POC1A: variants seen among roughly 807,000 people sequenced by gnomAD.
POC1A encodes POC1 centriolar protein homolog A.
In POC1A, 34 loss-of-function variants were observed where a neutral mutation model predicts 47.8. The observed-to-expected ratio is 0.71, with a 90% CI of 0.54 to 0.95. The LOEUF (loss-of-function observed/expected upper bound fraction) is 0.95. Among genes scored for constraint, POC1A ranks in the 40% least tolerant of loss-of-function variants. The pLI is 0.00. For synonymous variants in POC1A, 177 were observed against 207.6 expected (o/e 0.85, Z 1.27); for missense variants, 466 against 528.3 (o/e 0.88, Z 1.16).
chr3:52,120,082 T>C (rs941860292), intron 9 of POC1A, among the ~76,000 whole-genome samples: 1 of 152,210 alleles, frequency 6.6e-6, no homozygotes, highest in African/African-American at 2.4e-5. Flanking sequence ...CTTCCCTTCC[T>C]ATCTCAGAAG....
At position 52,085,834 on chromosome 3, in the gene POC1A, A is replaced by G. The variant is rs116470263; in HGVS notation, c.1126-9849T>C. Among the ~76,000 whole-genome samples, 482 of 152,350 alleles carry G rather than the reference A, an allele frequency of 3.2e-3. 4 individuals are homozygous for G. The highest frequency in any genetic ancestry group is 0.011 in the African/African-American group (470 of 41,576). ...TGCAATATTCATATTAATAGCTAAT[A>G]TGCATGTAGAACTTGCTCTGTCTGG... is the stretch of plus-strand genomic sequence containing the variant. On this transcript the variant is annotated intron_variant, in intron 10 of 10. Coordinates refer to ENST00000296484, the MANE Select transcript of POC1A (RefSeq NM_015426.5).
intron 8 of POC1A, among the ~76,000 whole-genome samples, chr3:52,122,960 T>C (rs1490481346): frequency 6.6e-6 from 1 of 152,244 alleles, no homozygotes. Context: ...CTGCGGGCGG[T>C]GGCCTGGCCT....
At chr3:52,091,845 CA>C (rs1451635104) in intron 10 of POC1A, among the ~76,000 whole-genome samples, 1 of 152,190 alleles carries the variant, frequency 6.6e-6, no homozygotes, top group Non-Finnish European at 1.5e-5. Flanking sequence ...AGCCGCACAG[CA>C]GAGCTCAGAG....
rs762193392 is a variant in POC1A at position 52,147,104 on chromosome 3, G to A, written c.456-9C>T. On this transcript the variant is annotated splice_polypyrimidine_tract_variant and intron_variant, in intron 4 of 10. Coordinates refer to ENST00000296484, the MANE Select transcript of POC1A (RefSeq NM_015426.5). ...GCCCGTCGGGGGAGAACCTGAACCGGGTGGGGCACAAGTCACATCACAGAC... is the reference window on the plus strand; with the variant it reads ...GCCCGTCGGGGGAGAACCTGAACCGAGTGGGGCACAAGTCACATCACAGAC... 2.5e-6 allele frequency: 4 copies of A among 1,605,898 alleles called. No homozygotes were observed. In the East Asian group the frequency reaches 8.9e-5, roughly 36 times the overall value.
intron 9 of POC1A, among the ~76,000 whole-genome samples, chr3:52,121,556 T>C (rs945560678): frequency 6.6e-5 from 10 of 152,306 alleles, no homozygotes; most frequent in African/African-American, 2.2e-4. Flanking sequence ...AGCCCCAGGA[T>C]AGACTCAGGA....
intron 9 of POC1A, among the ~76,000 whole-genome samples, chr3:52,117,848 T>C (rs558859633): frequency 1.3e-5 from 2 of 152,324 alleles, no homozygotes; most frequent in Non-Finnish European, 2.9e-5. Context: ...ATTTTTGCTA[T>C]TTAAAAAGTG....
At chr3:52,127,446 A>T (rs1418476378) in intron 7 of POC1A, among the ~76,000 whole-genome samples, 3 of 149,702 alleles carry the variant, frequency 2.0e-5, no homozygotes, top group Non-Finnish European at 4.4e-5. Flanking sequence ...GCTGGAGTGC[A>T]GTGGTGCGAT....
chr3:52,149,686 G>T, intron 3 of POC1A, 130 bp downstream of exon 3: 1 of 882,134 alleles, frequency 1.1e-6, no homozygotes, highest in Non-Finnish European at 1.8e-6. Context: ...GCCTCTGATG[G>T]CACCTCTTCC....
rs533778243 is a variant in POC1A, at chr3:52,075,834, T to C, written c.*53A>G. 399 of 1,310,596 alleles carry C rather than the reference T, an allele frequency of 3.0e-4. 5 individuals are homozygous for C. The South Asian group carries it at 4.4e-3, about 14-fold the overall frequency. The allele number at this position is 1,310,596 out of a possible 1,614,324, so 81.2% of individuals were successfully genotyped here. ...ATTTACCCAAGTCCCATGGTACAAA[T>C]CCCTGGCCTGCCACCTGCAAATCCA... On this transcript the variant is annotated 3_prime_UTR_variant, in exon 11 of 11. Transcript: ENST00000296484.
At chr3:52,129,818 ATC>A (rs1271240797) in intron 7 of POC1A, among the ~76,000 whole-genome samples, 1 of 152,222 alleles carries the variant, frequency 6.6e-6, no homozygotes. Flanking sequence ...GCTTGGCTGG[ATC>A]CACACCCAGT....
At chr3:52,106,180 C>CAA (rs11350232) in intron 9 of POC1A, among the ~76,000 whole-genome samples, 69 of 73,530 alleles carry the variant, frequency 9.4e-4, no homozygotes, top group African/African-American at 1.5e-3. Context: ...GACTACGTCT[C>CAA]AAAAAAAAAA....
intron 9 of POC1A, among the ~76,000 whole-genome samples, chr3:52,109,759 A>G (rs1380599656): frequency 1.3e-5 from 2 of 152,218 alleles, no homozygotes; most frequent in Admixed American, 1.3e-4. Flanking sequence ...TAATTGTAAG[A>G]TAATCTCCAT....
intron 7 of POC1A, among the ~76,000 whole-genome samples, chr3:52,130,708 T>G (rs1704180456): frequency 6.6e-6 from 1 of 152,166 alleles, no homozygotes; most frequent in South Asian, 2.1e-4. Context: ...TACAGAGCTC[T>G]CACAGAAACA....
At position 52,084,934 on chromosome 3, in the gene POC1A, G is replaced by A. The variant is rs533651806; in HGVS notation, c.1126-8949C>T. Among the ~76,000 whole-genome samples the A allele has an allele frequency of 6.6e-6, 1 of 152,368 alleles. No homozygotes were observed. Among genetic ancestry groups the A allele is most frequent in the African/African-American group, 2.4e-5 (1 of 41,586 alleles). Reference sequence around the variant, plus strand: ...TCCCACCAAGCACTCTGCCTGGGCTGGGGACACAGTGGCAAGGGGAGCTGC... The same window carrying A: ...TCCCACCAAGCACTCTGCCTGGGCTAGGGACACAGTGGCAAGGGGAGCTGC... On this transcript the variant is annotated intron_variant, in intron 10 of 10. Transcript: ENST00000296484. This position sits in a 1 kb window ranked among gnomAD's most constrained non-coding sequence, Gnocchi z 4.3.
At chr3:52,098,023 A>G (rs1702879600) in intron 9 of POC1A, among the ~76,000 whole-genome samples, 1 of 152,264 alleles carries the variant, frequency 6.6e-6, no homozygotes, top group Non-Finnish European at 1.5e-5. Flanking sequence ...CAGGAGACAC[A>G]GCAGAGTGCA....
chr3:52,096,587 C>A lies in POC1A; in HGVS notation c.1107G>T (p.Gln369His). The A allele has an allele frequency of 6.3e-7, 1 of 1,589,782 alleles. No individual in the cohort carries two copies. The highest frequency in any genetic ancestry group is 8.6e-7 in the Non-Finnish European group (1 of 1,169,110). ...LTSTLEHIVG[Q>H]LDVLTQTVSI... is the part of the protein sequence containing the mutation. ...GGCCTACCTGAGTGAGGACATCCAG[C>A]TGGCCCACAATGTGCTCCAGCGTGC... Residue 369 changes from glutamine to histidine, a missense_variant, in exon 10 of 11, where the codon CAG becomes CAT. Transcript: ENST00000296484.
intron 7 of POC1A, among the ~76,000 whole-genome samples, chr3:52,125,762 A>G (rs1357577697): frequency 6.6e-6 from 1 of 152,182 alleles, no homozygotes; most frequent in African/African-American, 2.4e-5. Context: ...TCTAATGTGC[A>G]TTCACTTTTC....
Position 52,075,333 on chromosome 3 carries a change from G to A in POC1A, c.*554C>T, listed in dbSNP as rs117490541. ...GAAGTCACCTGGCTCCAGTGAACACGTGTGGAACAGAAATCAGGGCCACTG... is the reference window on the plus strand; with the variant it reads ...GAAGTCACCTGGCTCCAGTGAACACATGTGGAACAGAAATCAGGGCCACTG... On this transcript the variant is annotated 3_prime_UTR_variant, in exon 11 of 11. Transcript: ENST00000296484. 9.5e-4 allele frequency: 146 copies of A among 154,420 alleles called. 3 individuals are homozygous for A. The East Asian group carries it at 0.018, about 19-fold the overall frequency. 9.6% of individuals were successfully genotyped at this position (154,420 alleles called of 1,614,324 possible). A position where few individuals can be genotyped will look rare whatever the true frequency, so the allele number is the denominator to read the frequency against.
chr3:52,149,999 G>C lies in POC1A; in HGVS notation c.104-12C>G. 6.2e-7 allele frequency: 1 copy of C among 1,610,150 alleles called. No individual in the cohort carries two copies. Among genetic ancestry groups the C allele is most frequent in the South Asian group, 1.1e-5 (1 of 90,920 alleles). On this transcript the variant is annotated splice_polypyrimidine_tract_variant and intron_variant, in intron 2 of 10. Transcript: ENST00000296484. The stretch of plus-strand genomic sequence containing the variant: ...CATGGAGCCACTGGCTGAGGACAGT[G>C]GGTGATGCTATGACCTACAGCTCTA...
Sources: allele counts gnomAD v4.1 joint callset (sites outside exome capture counted in the v4.1 genomes callset), GRCh38; gene constraint gnomAD v4.1.1; non-coding constraint Gnocchi (gnomAD v3.1); transcripts MANE v1.5; gene names NCBI Gene and HGNC (gene_info 2026-07-23, HGNC 2026-07-21).